The following IGF2BP3 variants were observed in gnomAD, a reference collection of about 807,000 sequenced individuals.
The protein encoded by IGF2BP3 is insulin like growth factor 2 mRNA binding protein 3.
Under a neutral mutation model 73.8 loss-of-function variants are expected in IGF2BP3, and 9 were observed. The observed-to-expected ratio is 0.12, with a 90% CI of 0.07 to 0.21. The LOEUF (loss-of-function observed/expected upper bound fraction) is 0.21, where lower values mean the gene tolerates loss of function less well. Among genes scored for constraint, IGF2BP3 ranks in the 10% least tolerant of loss-of-function variants. The pLI is 1.00. For synonymous variants in IGF2BP3, 258 were observed against 256.7 expected (o/e 1.01, Z -0.05); for missense variants, 542 against 714.0 (o/e 0.76, Z 2.75).
intron 2 of IGF2BP3, among the ~76,000 whole-genome samples, chr7:23,437,695 A>G (rs1787837986): frequency 2.0e-5 from 3 of 152,186 alleles, no homozygotes; most frequent in African/African-American, 7.2e-5. Context: ...AATCATTTCC[A>G]GATTATTTCT....
At chr7:23,434,079 A>C (rs1402170606) in intron 2 of IGF2BP3, among the ~76,000 whole-genome samples, 56 of 141,096 alleles carry the variant, frequency 4.0e-4, no homozygotes, top group African/African-American at 1.4e-3. Context: ...CTCTGTCTGG[A>C]AAAATTAAAA....
At chr7:23,423,508 A>G (rs1787409829) in intron 2 of IGF2BP3, among the ~76,000 whole-genome samples, 1 of 152,240 alleles carries the variant, frequency 6.6e-6, no homozygotes, top group Non-Finnish European at 1.5e-5. Flanking sequence ...GCATTTCACC[A>G]TCTCCTAAAA....
At chr7:23,377,593 G>GATAACTTTTTGGA (rs1785768747) in intron 3 of IGF2BP3, among the ~76,000 whole-genome samples, 1 of 152,206 alleles carries the variant, frequency 6.6e-6, no homozygotes, top group Non-Finnish European at 1.5e-5. Context: ...GTTACCATAT[G>GATAACTTTTTGGA]ATCTAGCAAT....
At chr7:23,326,688 C>G (rs543290239) in intron 10 of IGF2BP3, among the ~76,000 whole-genome samples, 46 of 143,874 alleles carry the variant, frequency 3.2e-4, no homozygotes, top group African/African-American at 1.1e-3. Context: ...CAATGATAGA[C>G]TGGATTAAGA....
At chr7:23,428,344 C>T (rs755452088) in intron 2 of IGF2BP3, among the ~76,000 whole-genome samples, 5 of 151,696 alleles carry the variant, frequency 3.3e-5, no homozygotes, top group African/African-American at 7.3e-5. Context: ...TGGTGGCATG[C>T]GCCTATAATC....
At chr7:23,357,745 CAT>C in intron 5 of IGF2BP3, among the ~76,000 whole-genome samples, 1 of 152,330 alleles carries the variant, frequency 6.6e-6, no homozygotes, top group South Asian at 2.1e-4. Context: ...AAAATGAACA[CAT>C]GTATTAATAT....
intron 9 of IGF2BP3, 46 bp from the exon 10 acceptor site, chr7:23,342,235 A>G: frequency 6.2e-7 from 1 of 1,603,582 alleles, no homozygotes; most frequent in East Asian, 2.2e-5. Context: ...AAAAGAATCA[A>G]GGGAAAGTGA....
chr7:23,441,244 C>A (rs1787925183), intron 2 of IGF2BP3, among the ~76,000 whole-genome samples: 1 of 151,834 alleles, frequency 6.6e-6, no homozygotes, highest in South Asian at 2.1e-4. Context: ...CCAGCCTGGG[C>A]AATATAGTGA....
chr7:23,340,567 G>A (rs1453282445), intron 10 of IGF2BP3, among the ~76,000 whole-genome samples: 2 of 152,154 alleles, frequency 1.3e-5, no homozygotes, highest in East Asian at 1.9e-4. Context: ...CCAAATTGGT[G>A]TAAGAGGTAT....
intron 3 of IGF2BP3, among the ~76,000 whole-genome samples, chr7:23,363,405 C>T (rs1362298707): frequency 1.3e-5 from 2 of 151,692 alleles, no homozygotes; most frequent in African/African-American, 4.8e-5. Flanking sequence ...GCCACCACAC[C>T]TGGCTAATTT....
intron 2 of IGF2BP3, among the ~76,000 whole-genome samples, chr7:23,456,791 C>T (rs575128272): frequency 1.6e-3 from 245 of 152,224 alleles, no homozygotes; most frequent in Non-Finnish European, 2.8e-3. Flanking sequence ...GGCTCACGCC[C>T]GTAATCCCAG....
chr7:23,452,800 C>CAAAAA (rs34216508), intron 2 of IGF2BP3, among the ~76,000 whole-genome samples: 1 of 114,274 alleles, frequency 8.8e-6, no homozygotes, highest in South Asian at 2.9e-4. Flanking sequence ...AGACTCATCT[C>CAAAAA]AAAAAAAAAA....
chr7:23,318,872 G>T (rs934567703), intron 11 of IGF2BP3, among the ~76,000 whole-genome samples: 1 of 152,200 alleles, frequency 6.6e-6, no homozygotes, highest in South Asian at 2.1e-4. Flanking sequence ...CGTACCTGGG[G>T]AAGGTGGCTT....
chr7:23,405,924 G>A (rs1021155453), intron 3 of IGF2BP3, among the ~76,000 whole-genome samples: 1 of 152,144 alleles, frequency 6.6e-6, no homozygotes, highest in African/African-American at 2.4e-5. Context: ...GAAGAATGCT[G>A]TGGACAGGCT....
rs1219985737 is a variant in IGF2BP3, at chr7:23,312,260, T to G, written c.*102A>C. The G allele has an allele frequency of 9.4e-6, 8 of 853,404 alleles. No individual in the cohort carries two copies. Among genetic ancestry groups the G allele is most frequent in the African/African-American group, 1.7e-5 (1 of 59,024 alleles). 52.9% of individuals were successfully genotyped at this position (853,404 alleles called of 1,614,324 possible). ...CAGAAACAACTGGCTAGGTAAAAACTTGTGCATGTGATTCTGGATAGGGGG... is the reference window on the plus strand; with the variant it reads ...CAGAAACAACTGGCTAGGTAAAAACGTGTGCATGTGATTCTGGATAGGGGG... On this transcript the variant is annotated 3_prime_UTR_variant, in exon 15 of 15. Coordinates refer to ENST00000258729, the MANE Select transcript of IGF2BP3 (RefSeq NM_006547.3).
At chr7:23,411,860 G>T (rs1242895726) in intron 3 of IGF2BP3, among the ~76,000 whole-genome samples, 1 of 151,980 alleles carries the variant, frequency 6.6e-6, no homozygotes, top group Non-Finnish European at 1.5e-5. Context: ...ACGGCTTACA[G>T]TGGGGTCTCT....
chr7:23,335,287 A>T (rs951120186), intron 10 of IGF2BP3, among the ~76,000 whole-genome samples: 2 of 120,840 alleles, frequency 1.7e-5, no homozygotes, highest in African/African-American at 6.3e-5. Flanking sequence ...TCCAACTCAT[A>T]ATTTTTTTTT....
intron 3 of IGF2BP3, among the ~76,000 whole-genome samples, chr7:23,416,890 C>T (rs1250101760): frequency 6.6e-6 from 1 of 152,132 alleles, no homozygotes; most frequent in African/African-American, 2.4e-5. Flanking sequence ...CCCATCTCTA[C>T]TAAAAATACA....
chr7:23,352,019 C>T (rs1050369654), intron 5 of IGF2BP3, among the ~76,000 whole-genome samples: 3 of 152,184 alleles, frequency 2.0e-5, no homozygotes, highest in Non-Finnish European at 4.4e-5. Context: ...GAAATATATA[C>T]TTCCTTCACT....
Sources: gnomAD v4.1 joint callset for allele counts (sites outside exome capture counted in the v4.1 genomes callset) on GRCh38, gnomAD v4.1.1 for gene constraint, MANE v1.5 for transcripts, NCBI Gene and HGNC (gene_info 2026-07-23, HGNC 2026-07-21) for gene names.